Variants in LONRF1 observed in about 807,000 individuals in gnomAD.
LONRF1 encodes LON peptidase N-terminal domain and RING finger protein 1.
A neutral mutation model predicts 85.8 loss-of-function variants in LONRF1; 37 were observed. The ratio of observed to expected loss-of-function variants is 0.43; its 90% CI spans 0.33 to 0.57. LONRF1 has a LOEUF of 0.57. Among genes scored for constraint, LONRF1 ranks in the 20% least tolerant of loss-of-function variants. The pLI is 0.04. For synonymous variants in LONRF1, 517 were observed against 390.1 expected, an observed-to-expected ratio of 1.33 and a Z score of -3.83; for missense variants, 1,036 against 978.0, an observed-to-expected ratio of 1.06 and a Z score of -0.79.
chr8:12,728,763 T>C, intron 10 of LONRF1, 138 bp downstream of exon 10: 4 of 902,924 alleles, frequency 4.4e-6, no homozygotes, highest in Non-Finnish European at 6.7e-6. Flanking sequence ...AAAAGGTAAC[T>C]TGGAGCACAT....
chr8:12,740,921 A>G lies in LONRF1; in HGVS notation c.916T>C (p.Leu306=). Residue 306 remains leucine, a synonymous_variant, in exon 3 of 12, where the codon TTA becomes CTA. Coordinates refer to ENST00000398246, the MANE Select transcript of LONRF1 (RefSeq NM_152271.5). ...GDALQLFLQC[L]ALDEDFAPAK... is the part of the protein sequence containing the mutation. ...GGTGCAAAATCTTCATCAAGGGCTAAGCACTGAAGAAAGAGTTGTAAGGCA... is the reference window on the plus strand; with the variant it reads ...GGTGCAAAATCTTCATCAAGGGCTAGGCACTGAAGAAAGAGTTGTAAGGCA... 3.1e-6 allele frequency: 5 copies of G among 1,613,642 alleles called. No individual in the cohort carries two copies. Among genetic ancestry groups the G allele is most frequent in the East Asian group, 4.5e-5 (2 of 44,862 alleles).
chr8:12,743,432 C>T (rs1272066090), intron 1 of LONRF1, 150 bp from the exon 2 acceptor site: 2 of 574,338 alleles, frequency 3.5e-6, no homozygotes, highest in African/African-American at 1.9e-5. Context: ...GCAGTATAGG[C>T]ACAACCCATT....
At chr8:12,749,210 A>C (rs1799282439) in intron 1 of LONRF1, among the ~76,000 whole-genome samples, 1 of 152,336 alleles carries the variant, frequency 6.6e-6, no homozygotes, top group South Asian at 2.1e-4. Flanking sequence ...TACAAGATAC[A>C]GAAGAGTATT....
chr8:12,729,381 A>G, intron 8 of LONRF1, 49 bp from the exon 9 acceptor site: 2 of 1,565,526 alleles, frequency 1.3e-6, no homozygotes, highest in Non-Finnish European at 1.8e-6. Context: ...GAAAAATATT[A>G]CCGAACACAT....
chr8:12,731,380 C>T (rs1469880813), intron 8 of LONRF1, among the ~76,000 whole-genome samples: 1 of 151,660 alleles, frequency 6.6e-6, no homozygotes, highest in African/African-American at 2.4e-5. Context: ...GCTACTGACC[C>T]TCAACCTTCC....
intron 7 of LONRF1, among the ~76,000 whole-genome samples, chr8:12,732,354 T>C (rs1210027920): frequency 1.3e-5 from 2 of 152,222 alleles, no homozygotes; most frequent in African/African-American, 2.4e-5. Context: ...TGTCACCCAC[T>C]ATTGAGTAGA....
chr8:12,727,396 TAAG>T lies in LONRF1; in HGVS notation c.2010+1502_2010+1504del, dbSNP rs1307200221. ...GAAGTCACAGAAAACAGAATTATTA[TAAG>T]AAGAGGAAAATTTGCCATATAAAAC... On this transcript the variant is annotated intron_variant, in intron 10 of 11. Coordinates refer to ENST00000398246, the MANE Select transcript of LONRF1 (RefSeq NM_152271.5). 3.3e-5 allele frequency: 5 copies of T among 151,604 alleles called. No homozygotes were observed. The South Asian group carries it at 1.0e-3, about 32-fold the overall frequency. The allele number at this position is 151,604 out of a possible 1,614,324, so 9.4% of individuals were successfully genotyped here.
intron 1 of LONRF1, among the ~76,000 whole-genome samples, chr8:12,747,526 G>C (rs994698255): frequency 6.6e-6 from 1 of 152,136 alleles, no homozygotes; most frequent in Non-Finnish European, 1.5e-5. Context: ...TTTAAGGTTC[G>C]AATTGACTTT....
intron 10 of LONRF1, among the ~76,000 whole-genome samples, chr8:12,728,001 T>C (rs543854545): frequency 2.0e-5 from 3 of 152,366 alleles, no homozygotes; most frequent in South Asian, 4.1e-4. Flanking sequence ...TGAATTGTAC[T>C]TTCCTCATCT....
chr8:12,731,325 C>T (rs114434289), intron 8 of LONRF1, among the ~76,000 whole-genome samples: 167 of 152,244 alleles, frequency 1.1e-3, no homozygotes, highest in African/African-American at 3.9e-3. Flanking sequence ...TTTGGAAAGC[C>T]CCCTTCCGGG....
rs1391617957 is a variant in LONRF1 at position 12,755,436 on chromosome 8, G to A, written c.-16C>T. On this transcript the variant is annotated 5_prime_UTR_variant, in exon 1 of 12. Coordinates refer to ENST00000398246, the MANE Select transcript of LONRF1 (RefSeq NM_152271.5). ...GAGAGGACATGGCCCGCGGAGGGCT[G>A]CGCCGCCGCCGCCCGCCGCCACGGT... 2 of 1,122,988 alleles carry A rather than the reference G, an allele frequency of 1.8e-6. No homozygotes were observed. Among genetic ancestry groups the A allele is most frequent in the East Asian group, 4.6e-5 (1 of 21,594 alleles). 69.6% of individuals were successfully genotyped at this position (1,122,988 alleles called of 1,614,324 possible).
intron 8 of LONRF1, among the ~76,000 whole-genome samples, chr8:12,730,159 T>C (rs1385764438): frequency 2.6e-5 from 4 of 152,216 alleles, no homozygotes; most frequent in African/African-American, 7.2e-5. Context: ...AGATCAATTA[T>C]GGTACATCCA....
At chr8:12,745,405 C>CACTT (rs55785511) in intron 1 of LONRF1, among the ~76,000 whole-genome samples, 126,267 of 151,258 alleles carry the variant, frequency 0.83, 53,258 homozygotes, top group East Asian at 0.94. Flanking sequence ...AGGACCATCA[C>CACTT]ACTGATCTCA....
At chr8:12,724,578 C>G (rs992042195) in intron 11 of LONRF1, among the ~76,000 whole-genome samples, 43 of 152,174 alleles carry the variant, frequency 2.8e-4, no homozygotes, top group African/African-American at 9.7e-4. Flanking sequence ...CTTTTGCTTT[C>G]CTGCCCAAAT....
chr8:12,731,087 G>A (rs950224813), intron 8 of LONRF1, among the ~76,000 whole-genome samples: 10 of 152,048 alleles, frequency 6.6e-5, no homozygotes, highest in Admixed American at 3.3e-4. Flanking sequence ...GGAGAAAAAC[G>A]GGAAAGAAAA....
intron 1 of LONRF1, 134 bp from the exon 2 acceptor site, chr8:12,743,416 C>A: frequency 3.2e-6 from 2 of 620,732 alleles, no homozygotes; most frequent in Admixed American, 3.2e-5. Flanking sequence ...AGTCTATAAG[C>A]CAAAGGCAGT....
chr8:12,735,562 C>A, intron 6 of LONRF1, 162 bp from the exon 7 acceptor site: 1 of 576,318 alleles, frequency 1.7e-6, no homozygotes, highest in Non-Finnish European at 3.1e-6. Context: ...TAACCATACC[C>A]TCCAGAATGT....
chr8:12,744,462 T>C (rs7819248), intron 1 of LONRF1, among the ~76,000 whole-genome samples: 127,019 of 152,104 alleles, frequency 0.84, 53,604 homozygotes, highest in East Asian at 0.94. Context: ...AAAAATTATC[T>C]CTGAACAAAA....
intron 10 of LONRF1, among the ~76,000 whole-genome samples, chr8:12,726,886 G>A (rs1021551409): frequency 1.3e-5 from 2 of 152,112 alleles, no homozygotes; most frequent in African/African-American, 4.8e-5. Context: ...AAAGTTTAAA[G>A]AGCATCTGTT....
Sources: allele counts gnomAD v4.1 joint callset (sites outside exome capture counted in the v4.1 genomes callset), GRCh38; gene constraint gnomAD v4.1.1; transcripts MANE v1.5; gene names NCBI Gene and HGNC (gene_info 2026-07-23, HGNC 2026-07-21).